The following STXBP4 variants were observed in gnomAD, a reference collection of about 807,000 sequenced individuals.
STXBP4 encodes the protein syntaxin-binding protein 4.
STXBP4 carries 55 observed loss-of-function variants against 76.1 expected under a neutral mutation model. That is an observed-to-expected ratio of 0.72 (90% CI 0.58 to 0.91). The LOEUF (loss-of-function observed/expected upper bound fraction) is 0.91, where lower values mean the gene tolerates loss of function less well. Among genes scored for constraint, STXBP4 ranks in the 40% least tolerant of loss-of-function variants. The probability of loss-of-function intolerance (pLI) is 0.00; values close to 1 mark genes in which losing one functional copy is unlikely to be tolerated. For missense variants in STXBP4, 618 were observed against 636.9 expected (o/e 0.97, Z 0.32); for synonymous variants, 201 against 220.2 (o/e 0.91, Z 0.77).
chr17:55,156,481 C>T (rs190090597), intron 17 of STXBP4, among the ~76,000 whole-genome samples: 1 of 152,270 alleles, frequency 6.6e-6, no homozygotes, highest in African/African-American at 2.4e-5. Context: ...ATTTTTCTTA[C>T]AATAATCAGA....
intron 16 of STXBP4, among the ~76,000 whole-genome samples, chr17:55,136,943 A>G (rs2080035241): frequency 6.6e-6 from 1 of 152,152 alleles, no homozygotes; most frequent in Non-Finnish European, 1.5e-5. Flanking sequence ...TGTTAATTTC[A>G]TTACTATTAA....
the STXBP4 span, among the ~76,000 whole-genome samples, chr17:55,186,824 A>G: frequency 5.3e-5 from 8 of 152,074 alleles, no homozygotes; most frequent in African/African-American, 1.9e-4. Flanking sequence ...TCCCTTTCTC[A>G]TTTTCTCCAT....
intron 6 of STXBP4, chr17:55,000,116 T>C: frequency 2.9e-6 from 2 of 684,224 alleles, no homozygotes; most frequent in Non-Finnish European, 3.6e-6. Context: ...CACTCAAAAC[T>C]ATGTTAAGAA....
At chr17:55,063,479 C>T (rs1180383660) in intron 12 of STXBP4, among the ~76,000 whole-genome samples, 1 of 152,126 alleles carries the variant, frequency 6.6e-6, no homozygotes, top group Non-Finnish European at 1.5e-5. Context: ...TACTATGAGC[C>T]ACTTATTTTC....
At chr17:55,204,400 T>A in the STXBP4 span, among the ~76,000 whole-genome samples, 5 of 152,182 alleles carry the variant, frequency 3.3e-5, no homozygotes. Flanking sequence ...AGATTACTTG[T>A]GAGGCTATTT....
At chr17:55,093,848 A>G (rs1003080766) in intron 16 of STXBP4, among the ~76,000 whole-genome samples, 3 of 152,184 alleles carry the variant, frequency 2.0e-5, no homozygotes, top group African/African-American at 7.2e-5. Context: ...CCCTAGGATA[A>G]CAACACAAAC....
At chr17:55,097,919 C>T (rs1375835435) in intron 16 of STXBP4, among the ~76,000 whole-genome samples, 1 of 151,976 alleles carries the variant, frequency 6.6e-6, no homozygotes, top group Non-Finnish European at 1.5e-5. Flanking sequence ...ATAGGGTTGT[C>T]CTGAGGATTA....
At chr17:55,179,802 CA>C in the STXBP4 span, among the ~76,000 whole-genome samples, 2 of 152,134 alleles carry the variant, frequency 1.3e-5, no homozygotes, top group African/African-American at 4.8e-5. Context: ...ATGTTACATA[CA>C]AAATATGTGT....
intron 16 of STXBP4, among the ~76,000 whole-genome samples, chr17:55,128,771 A>G (rs2079940389): frequency 6.6e-6 from 1 of 151,894 alleles, no homozygotes; most frequent in Admixed American, 6.6e-5. Context: ...ACCTGCCATC[A>G]TGCCCGGCTA....
intron 1 of STXBP4, among the ~76,000 whole-genome samples, chr17:54,983,838 A>G (rs1356223865): frequency 6.6e-6 from 1 of 152,196 alleles, no homozygotes; most frequent in African/African-American, 2.4e-5. Flanking sequence ...ACTCTCTTCC[A>G]TGACTATATC....
chr17:55,140,561 TAGG>T (rs1241909455), intron 16 of STXBP4, among the ~76,000 whole-genome samples: 1 of 152,084 alleles, frequency 6.6e-6, no homozygotes, highest in Non-Finnish European at 1.5e-5. Context: ...AATCAGAATG[TAGG>T]AGAATGTGGC....
intron 16 of STXBP4, among the ~76,000 whole-genome samples, chr17:55,088,920 G>T (rs567692982): frequency 1.3e-5 from 2 of 152,296 alleles, no homozygotes; most frequent in African/African-American, 4.8e-5. Flanking sequence ...GTAGAGAAGT[G>T]TGTAAATCAT....
Position 55,162,652 on chromosome 17 carries a change from C to T in STXBP4, c.*2741C>T, listed in dbSNP as rs551469535. ...TTAATTTTTGAATTTTAAAACTAATCTATTTTATTTAAAAAAAATCAAGTA... is the reference window on the plus strand; with the variant it reads ...TTAATTTTTGAATTTTAAAACTAATTTATTTTATTTAAAAAAAATCAAGTA... On this transcript the variant is annotated 3_prime_UTR_variant, in exon 18 of 18. Transcript: ENST00000376352. The T allele has an allele frequency of 6.6e-6, 1 of 151,328 alleles. No homozygotes were observed. Among genetic ancestry groups the T allele is most frequent in the South Asian group, 2.1e-4 (1 of 4,788 alleles). 9.4% of individuals were successfully genotyped at this position (151,328 alleles called of 1,614,324 possible). A position where few individuals can be genotyped will look rare whatever the true frequency, so the allele number is the denominator to read the frequency against.
At chr17:55,064,378 T>C (rs1400824586) in intron 12 of STXBP4, among the ~76,000 whole-genome samples, 2 of 152,174 alleles carry the variant, frequency 1.3e-5, no homozygotes, top group Non-Finnish European at 2.9e-5. Context: ...CCTCCTCTCA[T>C]ATTCTTAATC....
At chr17:55,143,075 G>A (rs150223185) in intron 17 of STXBP4, among the ~76,000 whole-genome samples, 4 of 152,308 alleles carry the variant, frequency 2.6e-5, no homozygotes, top group Non-Finnish European at 5.9e-5. Flanking sequence ...GAAAAGATGA[G>A]GGCATGAGCA....
downstream of STXBP4, among the ~76,000 whole-genome samples, chr17:55,178,419 CT>C (rs1218105290): frequency 3.9e-5 from 6 of 152,120 alleles, no homozygotes; most frequent in Non-Finnish European, 7.4e-5. Flanking sequence ...AGTTACTTAC[CT>C]GCTGTCAGCC....
chr17:55,080,561 C>T (rs558816230), intron 15 of STXBP4, among the ~76,000 whole-genome samples: 339 of 151,868 alleles, frequency 2.2e-3, no homozygotes, highest in Non-Finnish European at 3.8e-3. Context: ...GATACAAATG[C>T]TCTAGGCTGT....
At chr17:55,097,641 C>T (rs1448688931) in intron 16 of STXBP4, among the ~76,000 whole-genome samples, 1 of 146,654 alleles carries the variant, frequency 6.8e-6, no homozygotes, top group Non-Finnish European at 1.5e-5. Context: ...CCAGCCTGGG[C>T]AACAGAGCAA....
chr17:55,082,881 C>A (rs1301733971), intron 16 of STXBP4, among the ~76,000 whole-genome samples: 5 of 151,990 alleles, frequency 3.3e-5, no homozygotes, highest in Non-Finnish European at 1.5e-5. Context: ...ATATTATATT[C>A]TTGAAATAAA....
Sources: allele counts gnomAD v4.1 joint callset (sites outside exome capture counted in the v4.1 genomes callset), GRCh38; gene constraint gnomAD v4.1.1; transcripts MANE v1.5; gene names NCBI Gene and HGNC (gene_info 2026-07-23, HGNC 2026-07-21).